ADARB2: variants seen among roughly 807,000 people sequenced by gnomAD.
ADARB2 encodes the protein inactive double-stranded RNA-specific editase B2.
In ADARB2, 25 loss-of-function variants were observed where a neutral mutation model predicts 62.2. The ratio of observed to expected loss-of-function variants is 0.40; its 90% CI spans 0.29 to 0.56. The LOEUF is 0.56. Among genes scored for constraint, ADARB2 ranks in the 20% least tolerant of loss-of-function variants. The probability of loss-of-function intolerance (pLI) is 0.43; values close to 1 mark genes in which losing one functional copy is unlikely to be tolerated. For missense variants in ADARB2, 1,071 were observed against 1,077.4 expected (o/e 0.99, Z 0.08); for synonymous variants, 572 against 500.8 (o/e 1.14, Z -1.90).
intron 3 of ADARB2, among the ~76,000 whole-genome samples, chr10:1,271,742 G>C (rs909796093): frequency 6.6e-6 from 1 of 152,238 alleles, no homozygotes; most frequent in South Asian, 2.1e-4. Flanking sequence ...AGCACACACA[G>C]TGTGGCTCTG....
chr10:1,369,305 G>C (rs1832343945), intron 2 of ADARB2, among the ~76,000 whole-genome samples: 1 of 152,158 alleles, frequency 6.6e-6, no homozygotes, highest in African/African-American at 2.4e-5. Context: ...GAAAGCTATT[G>C]TTGACGCACC....
intron 1 of ADARB2, among the ~76,000 whole-genome samples, chr10:1,544,012 A>C (rs1230496702): frequency 1.3e-4 from 3 of 22,598 alleles, no homozygotes; most frequent in African/African-American, 2.4e-4. Context: ...AAAAAAAAAA[A>C]ACAAACAAAA....
chr10:1,373,332 C>CCACA lies in ADARB2; in HGVS notation c.187+5738_187+5741dup, dbSNP rs756645955. 3.3e-4 allele frequency among the ~76,000 whole-genome samples: 50 copies of CCACA among 150,438 alleles called. No homozygotes were observed. The East Asian group carries it at 9.5e-3, about 29-fold the overall frequency. On this transcript the variant is annotated intron_variant, in intron 2 of 9. Coordinates refer to ENST00000381312, the MANE Select transcript of ADARB2 (RefSeq NM_018702.4). ...CTCTGACACACACACACACACCCAC[C>CCACA]CACACACACACACACGCGCGTCTTG...
chr10:1,319,728 C>T (rs1831778664), intron 3 of ADARB2, among the ~76,000 whole-genome samples: 1 of 152,184 alleles, frequency 6.6e-6, no homozygotes, highest in Non-Finnish European at 1.5e-5. Context: ...ATTCTGTGCC[C>T]TGTCCGAGTA....
At chr10:1,217,239 G>A in intron 6 of ADARB2, 120 bp from the exon 7 acceptor site, 1 of 1,043,554 alleles carries the variant, frequency 9.6e-7, no homozygotes, top group Non-Finnish European at 1.3e-6. Flanking sequence ...CTGGGCGTTT[G>A]GCACGAGGAA....
chr10:1,357,579 G>A (rs1832208291), intron 3 of ADARB2, among the ~76,000 whole-genome samples: 1 of 152,074 alleles, frequency 6.6e-6, no homozygotes, highest in Non-Finnish European at 1.5e-5. Flanking sequence ...TATTTTATCT[G>A]GTAACCCCTT....
rs1834467848 is a variant in ADARB2, at chr10:1,676,456, A to T, written c.100+60595T>A. Among the ~76,000 whole-genome samples the T allele has an allele frequency of 2.0e-5, 3 of 152,244 alleles. 1 individual carries two copies. In the South Asian group the frequency reaches 6.2e-4, roughly 32 times the overall value. On this transcript the variant is annotated intron_variant, in intron 1 of 9. Transcript: ENST00000381312. The stretch of plus-strand genomic sequence containing the variant: ...GCATATTTAGACATTGCTTTTAAAG[A>T]AAAATAGCTTTAATGGTGCACCTGA...
chr10:1,333,572 T>TCATATTAATACATGATA (rs1466904122), intron 3 of ADARB2, among the ~76,000 whole-genome samples: 1 of 152,196 alleles, frequency 6.6e-6, no homozygotes, highest in Non-Finnish European at 1.5e-5. Flanking sequence ...GTTTTTCTCA[T>TCATATTAATACATGATA]CATATTAATA....
At chr10:1,642,935 C>T (rs183030418) in intron 1 of ADARB2, among the ~76,000 whole-genome samples, 12 of 152,342 alleles carry the variant, frequency 7.9e-5, no homozygotes, top group African/African-American at 2.9e-4. Flanking sequence ...AAACCTCCAC[C>T]CCGCGGCCCC....
At chr10:1,603,514 C>G (rs1833456547) in intron 1 of ADARB2, among the ~76,000 whole-genome samples, 1 of 152,104 alleles carries the variant, frequency 6.6e-6, no homozygotes, top group Admixed American at 6.5e-5. Context: ...TGAAATCACC[C>G]TGATTAGAAC....
In ADARB2 at chr10:1,363,140, C is replaced by A; in HGVS notation, c.965G>T (p.Arg322Leu). The change falls in exon 3 of 10, where the codon CGC becomes CTC. Residue 322 changes from arginine to leucine, a missense_variant. Coordinates refer to ENST00000381312, the MANE Select transcript of ADARB2 (RefSeq NM_018702.4). ...VDGRTFEGSG[R>L]SKKLARGQAA... is the part of the protein sequence containing the mutation. Reference sequence around the variant, plus strand: ...CTGACCCCGGGCCAGCTTCTTGCTGCGCCCCGAGCCCTCGAACGTCCTGCC... The same window carrying A: ...CTGACCCCGGGCCAGCTTCTTGCTGAGCCCCGAGCCCTCGAACGTCCTGCC... 6.5e-7 allele frequency: 1 copy of A among 1,546,600 alleles called. No homozygotes were observed. The highest frequency in any genetic ancestry group is 8.7e-7 in the Non-Finnish European group (1 of 1,155,586).
chr10:1,722,168 C>T (rs537137219), intron 1 of ADARB2, among the ~76,000 whole-genome samples: 11 of 152,250 alleles, frequency 7.2e-5, no homozygotes, highest in Middle Eastern at 3.4e-3. Context: ...GGTGCTACAA[C>T]GTTACAACAT....
At position 1,690,696 on chromosome 10, in the gene ADARB2, C is replaced by T. The variant is rs11250734; in HGVS notation, c.100+46355G>A. Among the ~76,000 whole-genome samples, 399 of 152,300 alleles carry T rather than the reference C, an allele frequency of 2.6e-3. 2 individuals carry two copies. The highest frequency in any genetic ancestry group is 9.0e-3 in the African/African-American group (373 of 41,568). On this transcript the variant is annotated intron_variant, in intron 1 of 9. Coordinates refer to ENST00000381312, the MANE Select transcript of ADARB2 (RefSeq NM_018702.4). ...GCACTGCCCTGCTTTGCACACCCCA[C>T]GTCGAGGAAGCCCAAGGCCTGCTGA...
chr10:1,185,322 C>G (rs146311709), intron 8 of ADARB2, among the ~76,000 whole-genome samples: 1 of 152,186 alleles, frequency 6.6e-6, no homozygotes, highest in Non-Finnish European at 1.5e-5. Context: ...AGATTCCCCC[C>G]CCTTCTGTAA....
intron 1 of ADARB2, among the ~76,000 whole-genome samples, chr10:1,597,143 G>A (rs770279943): frequency 6.6e-5 from 10 of 152,160 alleles, no homozygotes; most frequent in East Asian, 1.9e-4. Flanking sequence ...AGAGTTGTAA[G>A]CCTTCATTAA....
chr10:1,313,223 G>C (rs1458902715), intron 3 of ADARB2, among the ~76,000 whole-genome samples: 2 of 152,120 alleles, frequency 1.3e-5, no homozygotes, highest in Non-Finnish European at 2.9e-5. Flanking sequence ...GGGGAGAAGG[G>C]TGAAGGGGGA....
intron 1 of ADARB2, among the ~76,000 whole-genome samples, chr10:1,597,541 C>G (rs1833351060): frequency 6.6e-6 from 1 of 152,210 alleles, no homozygotes; most frequent in African/African-American, 2.4e-5. Context: ...CACTAACCAT[C>G]AGAGAAATGC....
At chr10:1,266,511 T>TGGGGGGGGGGGGGGGGGGGGGGG (rs782182369) in intron 4 of ADARB2, among the ~76,000 whole-genome samples, 1 of 128,438 alleles carries the variant, frequency 7.8e-6, no homozygotes, top group African/African-American at 3.1e-5. Flanking sequence ...TGGTGGGGGG[T>TGGGGGGGGGGGGGGGGGGGGGGG]GGGGGGGGGG....
intron 4 of ADARB2, among the ~76,000 whole-genome samples, chr10:1,243,850 G>A (rs57973864): frequency 1.3e-5 from 2 of 152,252 alleles, no homozygotes; most frequent in South Asian, 2.1e-4. Flanking sequence ...CCCCGTTTCT[G>A]TGCCCGAAGA....
Sources: allele counts gnomAD v4.1 joint callset (sites outside exome capture counted in the v4.1 genomes callset), GRCh38; gene constraint gnomAD v4.1.1; transcripts MANE v1.5; gene names NCBI Gene and HGNC (gene_info 2026-07-23, HGNC 2026-07-21).